The following ACTR3C variants were observed in gnomAD, a reference collection of about 807,000 sequenced individuals.
ACTR3C encodes actin related protein 3C, also known as actin-related protein 3C.
Under a neutral mutation model 26.3 loss-of-function variants are expected in ACTR3C, and 18 were observed. The observed-to-expected ratio is 0.68, with a 90% CI of 0.47 to 1.01. The LOEUF (loss-of-function observed/expected upper bound fraction) is 1.01, where lower values mean the gene tolerates loss of function less well. ACTR3C is among the 50% of genes least tolerant of loss of function. The pLI is 0.00. For synonymous variants in ACTR3C, 55 were observed against 94.5 expected, an observed-to-expected ratio of 0.58 and a Z score of 2.42; for missense variants, 184 against 250.7, an observed-to-expected ratio of 0.73 and a Z score of 1.80.
intron 6 of ACTR3C, among the ~76,000 whole-genome samples, chr7:150,279,149 T>A (rs7797794): frequency 0.1 from 15,166 of 151,816 alleles, 983 homozygotes; most frequent in African/African-American, 0.17. Flanking sequence ...CAAAAAAAAA[T>A]TTTTAATTAG....
the ACTR3C span, among the ~76,000 whole-genome samples, chr7:149,977,818 T>C: frequency 6.6e-6 from 1 of 152,184 alleles, no homozygotes; most frequent in Non-Finnish European, 1.5e-5. Context: ...GACTGCATCA[T>C]AGCCTGGTTG....
At chr7:149,943,028 AC>A in the ACTR3C span, among the ~76,000 whole-genome samples, 3 of 152,056 alleles carry the variant, frequency 2.0e-5, no homozygotes, top group African/African-American at 7.3e-5. Context: ...AGAGTTTGCC[AC>A]CCACGGCTGG....
the ACTR3C span, chr7:150,002,629 C>G: frequency 2.0e-5 from 3 of 152,210 alleles, no homozygotes; most frequent in Non-Finnish European, 4.4e-5. Context: ...TATTATGAAG[C>G]GAATGGCCCA....
At chr7:150,128,602 A>G in the ACTR3C span, among the ~76,000 whole-genome samples, 6 of 151,408 alleles carry the variant, frequency 4.0e-5, no homozygotes, top group African/African-American at 1.5e-4. Flanking sequence ...AGGGCTTGCC[A>G]TTTCTGTCCT....
chr7:150,111,454 T>C, the ACTR3C span, among the ~76,000 whole-genome samples: 2 of 92,774 alleles, frequency 2.2e-5, 1 homozygote, highest in East Asian at 4.9e-4. Flanking sequence ...CTCCCCATAC[T>C]CACTCCCCCA....
the ACTR3C span, among the ~76,000 whole-genome samples, chr7:150,019,097 C>T: frequency 7.3e-5 from 11 of 150,444 alleles, 1 homozygote; most frequent in East Asian, 1.9e-3. Context: ...ACTTTCAGCA[C>T]ACTTAATGTC....
the ACTR3C span, among the ~76,000 whole-genome samples, chr7:149,883,600 C>T: frequency 6.6e-6 from 1 of 152,192 alleles, no homozygotes; most frequent in African/African-American, 2.4e-5. Context: ...GAGGGCAGCG[C>T]CTGCGTGCAG....
the ACTR3C span, among the ~76,000 whole-genome samples, chr7:150,185,274 G>GGGGTGTGTGTGT: frequency 1.3e-4 from 16 of 124,266 alleles, no homozygotes; most frequent in African/African-American, 4.5e-4. Flanking sequence ...TTAAATGTCA[G>GGGGTGTGTGTGT]GCGTGTGTGT....
At chr7:150,193,991 GACACACACACACACACACAC>G in the ACTR3C span, among the ~76,000 whole-genome samples, 1 of 131,926 alleles carries the variant, frequency 7.6e-6, no homozygotes, top group African/African-American at 2.7e-5. Flanking sequence ...TACACACACA[GACACACACACACACACACAC>G]ACACACACAC....
the ACTR3C span, among the ~76,000 whole-genome samples, chr7:150,052,096 G>A: frequency 5.2e-4 from 79 of 151,782 alleles, no homozygotes; most frequent in African/African-American, 1.8e-3. Context: ...CCCTAAAACA[G>A]TGGGCATCAC....
At chr7:150,155,958 G>C in the ACTR3C span, among the ~76,000 whole-genome samples, 1 of 152,174 alleles carries the variant, frequency 6.6e-6, no homozygotes, top group Middle Eastern at 3.2e-3. Flanking sequence ...GCATTTGAGA[G>C]AGTAAAAGTT....
intron 6 of ACTR3C, among the ~76,000 whole-genome samples, chr7:150,249,476 T>C (rs1033660332): frequency 1.3e-5 from 2 of 152,156 alleles, no homozygotes; most frequent in Non-Finnish European, 2.9e-5. Context: ...GTTTTTGAGA[T>C]GGAGTCTCAT....
the ACTR3C span, among the ~76,000 whole-genome samples, chr7:150,127,139 GACACACACACAC>G: frequency 2.7e-3 from 351 of 129,668 alleles, 1 homozygote; most frequent in Middle Eastern, 0.011. Context: ...CCTACCATTA[GACACACACACAC>G]ACACACACAC....
the ACTR3C span, among the ~76,000 whole-genome samples, chr7:150,035,654 C>T: frequency 1.5e-5 from 2 of 136,644 alleles, no homozygotes; most frequent in Admixed American, 7.0e-5. Context: ...AACTAACACT[C>T]GCAGTCCTCC....
At chr7:149,940,682 C>T in the ACTR3C span, among the ~76,000 whole-genome samples, 5 of 145,604 alleles carry the variant, frequency 3.4e-5, no homozygotes, top group Non-Finnish European at 7.6e-5. Flanking sequence ...AATACCATGC[C>T]GGCCTGCAAA....
At chr7:149,904,337 C>T in the ACTR3C span, among the ~76,000 whole-genome samples, 1 of 151,084 alleles carries the variant, frequency 6.6e-6, no homozygotes, top group South Asian at 2.1e-4. Context: ...CAAGACCAGC[C>T]TGGCCAACAT....
chr7:150,222,296 C>CT, the ACTR3C span, among the ~76,000 whole-genome samples: 1 of 152,334 alleles, frequency 6.6e-6, no homozygotes, highest in Admixed American at 6.5e-5. Context: ...GCTTTGCCGC[C>CT]TCCTAGTGCA....
At position 150,300,276 on chromosome 7, in the gene ACTR3C, C is replaced by T. The variant is rs1299171898; in HGVS notation, c.-51-4929G>A. On this transcript the variant is annotated intron_variant, in intron 1 of 7. Transcript: ENST00000683684. ...TTGAGGCAGGGGAATTGCTTGAACC[C>T]GGGAGGCGGAGGTTGCGGTGAGCTG... Among the ~76,000 whole-genome samples, 12 of 152,118 alleles carry T rather than the reference C, an allele frequency of 7.9e-5. No homozygotes were observed. The East Asian group carries it at 1.7e-3, about 22-fold the overall frequency.
At chr7:150,190,813 G>A in the ACTR3C span, among the ~76,000 whole-genome samples, 1 of 152,168 alleles carries the variant, frequency 6.6e-6, no homozygotes, top group Non-Finnish European at 1.5e-5. Context: ...CAGCTGGGGA[G>A]GCCTCAGGAA....
Sources: gnomAD v4.1 joint callset for allele counts (sites outside exome capture counted in the v4.1 genomes callset) on GRCh38, gnomAD v4.1.1 for gene constraint, MANE v1.5 for transcripts, NCBI Gene and HGNC (gene_info 2026-07-23, HGNC 2026-07-21) for gene names.